Variants in PARVB observed in about 807,000 individuals in gnomAD.
PARVB encodes beta-parvin.
In PARVB, 46 loss-of-function variants were observed where a neutral mutation model predicts 47.0. The ratio of observed to expected loss-of-function variants is 0.98; its 90% CI spans 0.77 to 1.25. The LOEUF is 1.25. Among genes scored for constraint, PARVB ranks in the 50% most tolerant of loss-of-function variants. The pLI is 0.00. For missense variants in PARVB, 473 were observed against 471.6 expected (o/e 1.00, Z -0.03); for synonymous variants, 196 against 196.3 (o/e 1.00, Z 0.01).
rs145523749 is a variant in PARVB at position 44,025,614 on chromosome 22, G to A, written c.112+1163G>A. ...TCTTGTCCCCTTCAGTAGGTCTCCT[G>A]GCGGATAGGTCACTCTTCTCTCAAG... On this transcript the variant is annotated intron_variant, in intron 1 of 12. Transcript: ENST00000338758. Among the ~76,000 whole-genome samples, 457 of 152,278 alleles carry A rather than the reference G, an allele frequency of 3.0e-3. 2 individuals are homozygous for A. Among genetic ancestry groups the A allele is most frequent in the African/African-American group, 0.011 (438 of 41,544 alleles).
intron 1 of PARVB, among the ~76,000 whole-genome samples, chr22:44,061,764 G>T (rs928883139): frequency 6.6e-6 from 1 of 151,878 alleles, no homozygotes; most frequent in East Asian, 2.0e-4. Context: ...CTATAGGTGC[G>T]CACTACCACA....
chr22:44,087,853 T>TTTG (rs2052063863), intron 1 of PARVB, among the ~76,000 whole-genome samples: 1 of 150,918 alleles, frequency 6.6e-6, no homozygotes, highest in South Asian at 2.1e-4. Flanking sequence ...GGTGTTTTTT[T>TTTG]TTTTTTTTTT....
chr22:44,100,930 G>A (rs1001702712), intron 3 of PARVB, among the ~76,000 whole-genome samples: 6 of 152,104 alleles, frequency 3.9e-5, no homozygotes, highest in African/African-American at 9.7e-5. Flanking sequence ...TGGGCACCCC[G>A]GGATTCTTGA....
intron 1 of PARVB, among the ~76,000 whole-genome samples, chr22:44,066,077 A>G (rs1006652547): frequency 1.3e-5 from 2 of 152,212 alleles, no homozygotes; most frequent in African/African-American, 4.8e-5. Context: ...AAAAGCTGCT[A>G]AAAAGGAATG....
chr22:44,025,599 T>G (rs1253502798), intron 1 of PARVB, among the ~76,000 whole-genome samples: 1 of 152,172 alleles, frequency 6.6e-6, no homozygotes, highest in Non-Finnish European at 1.5e-5. Context: ...TCTTGTCCCC[T>G]TCAGTAGGTC....
At chr22:44,032,543 C>T (rs1029073384) in intron 1 of PARVB, among the ~76,000 whole-genome samples, 2 of 152,186 alleles carry the variant, frequency 1.3e-5, no homozygotes, top group Non-Finnish European at 2.9e-5. Context: ...CCTCCTTGCA[C>T]TGGATCTGTT....
intron 2 of PARVB, among the ~76,000 whole-genome samples, chr22:44,096,062 A>T (rs943266797): frequency 2.6e-5 from 4 of 152,128 alleles, no homozygotes; most frequent in Non-Finnish European, 5.9e-5. Flanking sequence ...TGTCTCTACT[A>T]AAAAATACAA....
At chr22:44,006,357 G>A (rs964934337) in intron 2 of PARVB, among the ~76,000 whole-genome samples, 1 of 152,248 alleles carries the variant, frequency 6.6e-6, no homozygotes, top group East Asian at 1.9e-4. Flanking sequence ...CAGATGCCGT[G>A]TCTCATGCCT....
At chr22:44,039,471 G>C (rs1385504271) in intron 1 of PARVB, among the ~76,000 whole-genome samples, 1 of 152,040 alleles carries the variant, frequency 6.6e-6, no homozygotes, top group Non-Finnish European at 1.5e-5. Flanking sequence ...AACCCGGGAG[G>C]TGGAGGTTGC....
At chr22:44,135,939 G>T (rs989309931) in intron 6 of PARVB, among the ~76,000 whole-genome samples, 10 of 152,206 alleles carry the variant, frequency 6.6e-5, no homozygotes, top group African/African-American at 2.4e-4. Context: ...TTAAGGAGGG[G>T]CTCACCATAA....
At chr22:44,001,025 G>A (rs1043305173) in intron 2 of PARVB, among the ~76,000 whole-genome samples, 1 of 152,222 alleles carries the variant, frequency 6.6e-6, no homozygotes, top group East Asian at 1.9e-4. Context: ...CAGGTGGGCG[G>A]ATCACCTGAG....
At chr22:44,088,015 G>A (rs2147026575) in intron 1 of PARVB, among the ~76,000 whole-genome samples, 1 of 152,154 alleles carries the variant, frequency 6.6e-6, no homozygotes, top group Admixed American at 6.5e-5. Context: ...CTGAATCTTT[G>A]TGATCTCTCT....
chr22:44,160,549 G>C (rs1399665627), intron 11 of PARVB, among the ~76,000 whole-genome samples: 1 of 152,154 alleles, frequency 6.6e-6, no homozygotes, highest in Non-Finnish European at 1.5e-5. Flanking sequence ...TGGGGTGAGC[G>C]GTCCCCAGGC....
intron 1 of PARVB, among the ~76,000 whole-genome samples, chr22:44,070,027 G>A (rs1053988908): frequency 1.3e-5 from 2 of 152,206 alleles, no homozygotes; most frequent in Admixed American, 6.5e-5. Context: ...CGTGACGGTC[G>A]GCCAGGCTGC....
intron 2 of PARVB, among the ~76,000 whole-genome samples, chr22:44,096,370 C>T (rs558666320): frequency 6.6e-6 from 1 of 152,298 alleles, no homozygotes; most frequent in South Asian, 2.1e-4. Flanking sequence ...TGCACTCTAG[C>T]CTGGGTAACA....
intron 3 of PARVB, chr22:44,110,596 T>A (rs1364039721): frequency 1.3e-5 from 2 of 152,092 alleles, no homozygotes; most frequent in South Asian, 4.1e-4. Context: ...TTTATTTTAT[T>A]TTAATTATTA....
chr22:44,113,139 G>C (rs149139717), intron 3 of PARVB: 693 of 8,896 alleles, frequency 0.078, 4 homozygotes, highest in African/African-American at 0.088. Flanking sequence ...TTGTTACTAA[G>C]TAAGGCCCTG....
intron 11 of PARVB, among the ~76,000 whole-genome samples, chr22:44,158,726 T>C (rs2053989291): frequency 6.6e-6 from 1 of 152,260 alleles, no homozygotes; most frequent in Non-Finnish European, 1.5e-5. Context: ...CTGTCTGCCC[T>C]CTGTCCAGGG....
chr22:44,101,050 A>G (rs937062993), intron 3 of PARVB, among the ~76,000 whole-genome samples: 13 of 152,256 alleles, frequency 8.5e-5, no homozygotes, highest in African/African-American at 3.1e-4. Context: ...GCTGGGCTGT[A>G]CAACTGTGTT....
Sources: allele counts gnomAD v4.1 joint callset (sites outside exome capture counted in the v4.1 genomes callset), GRCh38; gene constraint gnomAD v4.1.1; transcripts MANE v1.5; gene names NCBI Gene and HGNC (gene_info 2026-07-23, HGNC 2026-07-21).